CTIF: variants seen among roughly 807,000 people sequenced by gnomAD.
The protein encoded by CTIF is CBP80/20-dependent translation initiation factor.
Under a neutral mutation model 66.0 loss-of-function variants are expected in CTIF, and 21 were observed. That is an observed-to-expected ratio of 0.32 (90% CI 0.23 to 0.46). The LOEUF (loss-of-function observed/expected upper bound fraction) is 0.46. Among genes scored for constraint, CTIF ranks in the 20% least tolerant of loss-of-function variants. The pLI, the probability that CTIF is intolerant of heterozygous loss-of-function variation, is 1.00. For missense variants in CTIF, 739 were observed against 812.7 expected (o/e 0.91, Z 1.10); for synonymous variants, 345 against 326.4 (o/e 1.06, Z -0.62).
Position 48,758,280 on chromosome 18 carries a change from T to C in CTIF, c.946T>C (p.Ser316Pro), listed in dbSNP as rs934281397. The C allele has an allele frequency of 7.4e-6, 12 of 1,613,048 alleles. No individual in the cohort carries two copies. Among genetic ancestry groups the C allele is most frequent in the African/African-American group, 1.3e-5 (1 of 74,800 alleles). ...VASERLPPQQ[S>P]GGPEVETKRK... ...TTCTGAGCGGCTGCCCCCACAGCAGTCAGGGGGGCCAGAGGTTGAGACAAA... is the reference window on the plus strand; with the variant it reads ...TTCTGAGCGGCTGCCCCCACAGCAGCCAGGGGGGCCAGAGGTTGAGACAAA... The change falls in exon 8 of 12, where the codon TCA (serine) becomes CCA (proline). Residue 316 changes from serine (S) to proline (P), a missense_variant. Coordinates refer to ENST00000256413, the MANE Select transcript of CTIF (RefSeq NM_014772.3).
At chr18:48,550,672 C>G (rs1294030063) in intron 1 of CTIF, among the ~76,000 whole-genome samples, 1 of 152,172 alleles carries the variant, frequency 6.6e-6, no homozygotes, top group Non-Finnish European at 1.5e-5. Flanking sequence ...TTAGCACTTC[C>G]CATCACTCCC....
intron 3 of CTIF, among the ~76,000 whole-genome samples, chr18:48,653,109 G>T (rs1230218892): frequency 6.6e-6 from 1 of 152,162 alleles, no homozygotes; most frequent in East Asian, 1.9e-4. Flanking sequence ...ATTCAACGTA[G>T]TATTGGAAGT....
At chr18:48,612,427 G>A (rs965516185) in intron 1 of CTIF, among the ~76,000 whole-genome samples, 14 of 152,218 alleles carry the variant, frequency 9.2e-5, no homozygotes, top group Admixed American at 2.0e-4. Flanking sequence ...GGGTGAAGGT[G>A]TTGCTCCCAC....
At position 48,862,377 on chromosome 18, in the gene CTIF, A is replaced by ATGAGT. The variant is rs1183942634; in HGVS notation, c.*2820_*2824dup. On this transcript the variant is annotated 3_prime_UTR_variant, in exon 12 of 12. Transcript: ENST00000256413. ...CTCAGTCTCCCCACTGCCTGTCAGG[A>ATGAGT]TGAGTTAGTCATTGTTTTTCTCCGA... 1.3e-5 allele frequency: 2 copies of ATGAGT among 152,482 alleles called. No individual in the cohort carries two copies. The highest frequency in any genetic ancestry group is 3.9e-4 in the East Asian group (2 of 5,194). 9.4% of individuals were successfully genotyped at this position (152,482 alleles called of 1,614,324 possible). A position where few individuals can be genotyped will look rare whatever the true frequency, so the allele number is the denominator to read the frequency against.
At chr18:48,584,393 C>T (rs1204773280) in intron 1 of CTIF, among the ~76,000 whole-genome samples, 3 of 152,146 alleles carry the variant, frequency 2.0e-5, no homozygotes, top group African/African-American at 4.8e-5. Context: ...GAGGTCAGGA[C>T]CTTTATAAGC....
intron 5 of CTIF, among the ~76,000 whole-genome samples, chr18:48,668,903 C>T (rs148812400): frequency 1.4e-4 from 21 of 152,168 alleles, no homozygotes; most frequent in Middle Eastern, 6.8e-3. Flanking sequence ...ACTGTTTACA[C>T]CTGGGTCCCA....
intron 1 of CTIF, among the ~76,000 whole-genome samples, chr18:48,595,339 G>T (rs1369728392): frequency 6.6e-6 from 1 of 152,210 alleles, no homozygotes; most frequent in Non-Finnish European, 1.5e-5. Context: ...GATTAGGATT[G>T]TTGGTTGTGC....
intron 7 of CTIF, among the ~76,000 whole-genome samples, chr18:48,734,657 A>T (rs1431039379): frequency 6.6e-6 from 1 of 152,152 alleles, no homozygotes; most frequent in Non-Finnish European, 1.5e-5. Context: ...TCTGGGAGAG[A>T]AAGGGAAGAC....
chr18:48,739,490 C>T (rs1044949708), intron 7 of CTIF, among the ~76,000 whole-genome samples: 2 of 152,216 alleles, frequency 1.3e-5, no homozygotes, highest in South Asian at 4.1e-4. Flanking sequence ...CCTGCTCTGG[C>T]CCTGGCTCTG....
chr18:48,707,610 CCTCCTT>C (rs1271837984), intron 6 of CTIF, among the ~76,000 whole-genome samples: 2 of 151,808 alleles, frequency 1.3e-5, no homozygotes, highest in Non-Finnish European at 2.9e-5. Context: ...TCTTCCTCCT[CCTCCTT>C]CTCCTCTTCC....
chr18:48,828,580 T>C (rs2146425433), intron 10 of CTIF, among the ~76,000 whole-genome samples: 1 of 152,342 alleles, frequency 6.6e-6, no homozygotes, highest in Middle Eastern at 3.4e-3. Context: ...TTGAAAACAA[T>C]TTAAATTCAC....
chr18:48,623,358 G>A (rs1007432541), intron 2 of CTIF, among the ~76,000 whole-genome samples: 29 of 152,164 alleles, frequency 1.9e-4, no homozygotes, highest in African/African-American at 2.9e-4. Context: ...CCCCTACCGC[G>A]CCCCTGCCTC....
intron 11 of CTIF, 61 bp from the exon 12 acceptor site, chr18:48,859,283 G>C (rs545565821): frequency 7.1e-7 from 1 of 1,405,658 alleles, no homozygotes; most frequent in African/African-American, 1.4e-5. Flanking sequence ...CACCTAATCA[G>C]GGTGGCCAGT....
intron 6 of CTIF, among the ~76,000 whole-genome samples, chr18:48,684,043 G>A (rs1469731838): frequency 1.3e-5 from 2 of 152,232 alleles, no homozygotes; most frequent in African/African-American, 2.4e-5. Flanking sequence ...GTGGCGTGGT[G>A]ACATTGCTAA....
At chr18:48,753,601 C>CAAA (rs397858285) in intron 7 of CTIF, among the ~76,000 whole-genome samples, 1 of 143,900 alleles carries the variant, frequency 6.9e-6, no homozygotes, top group Non-Finnish European at 1.5e-5. Flanking sequence ...TTCCATTCTC[C>CAAA]AAAAAAAAAA....
intron 9 of CTIF, among the ~76,000 whole-genome samples, chr18:48,776,323 C>T (rs1910669466): frequency 1.3e-5 from 2 of 152,246 alleles, no homozygotes; most frequent in Admixed American, 1.3e-4. Context: ...CGCCCACCGC[C>T]CAACCAGGCA....
At chr18:48,832,966 C>G (rs1438500502) in intron 10 of CTIF, among the ~76,000 whole-genome samples, 3 of 152,176 alleles carry the variant, frequency 2.0e-5, no homozygotes, top group Non-Finnish European at 4.4e-5. Flanking sequence ...ATGAATTAGT[C>G]TGCCGCTTTT....
chr18:48,839,594 GTAT>G, intron 10 of CTIF, among the ~76,000 whole-genome samples: 1 of 152,244 alleles, frequency 6.6e-6, no homozygotes, highest in Non-Finnish European at 1.5e-5. Context: ...GGGGTTGCCT[GTAT>G]TGCACAACAT....
intron 9 of CTIF, among the ~76,000 whole-genome samples, chr18:48,776,198 G>A (rs1036746157): frequency 6.6e-6 from 1 of 152,188 alleles, no homozygotes; most frequent in African/African-American, 2.4e-5. Flanking sequence ...ACCCCTCCCT[G>A]GTGAGGTTAC....
Sources: allele counts gnomAD v4.1 joint callset (sites outside exome capture counted in the v4.1 genomes callset), GRCh38; gene constraint gnomAD v4.1.1; transcripts MANE v1.5; gene names NCBI Gene and HGNC (gene_info 2026-07-23, HGNC 2026-07-21).